The following STK32B variants were observed in gnomAD, a reference collection of about 807,000 sequenced individuals.
STK32B encodes serine/threonine-protein kinase 32B.
A neutral mutation model predicts 52.6 loss-of-function variants in STK32B; 43 were observed. That is an observed-to-expected ratio of 0.82 (90% confidence interval 0.64 to 1.05). The LOEUF is 1.05. Ranked by LOEUF, STK32B falls within the 50% of genes least tolerant of loss-of-function variation. STK32B has a pLI of 0.00. For missense variants in STK32B, 621 were observed against 534.6 expected (o/e 1.16, Z -1.59); for synonymous variants, 238 against 204.3 (o/e 1.17, Z -1.41).
chr4:5,455,209 C>T lies in STK32B; in HGVS notation c.667-1598C>T, dbSNP rs530478698. Among the ~76,000 whole-genome samples the T allele has an allele frequency of 5.1e-4, 78 of 152,324 alleles. 1 individual carries two copies. The highest frequency in any genetic ancestry group is 1.8e-3 in the African/African-American group (76 of 41,572). ...AGGGAACTGTAGCCCTACCAAGGAT[C>T]GGGACCCCTCGCCCCTTTGGGCGGG... On this transcript the variant is annotated intron_variant, in intron 7 of 11. Transcript: ENST00000282908.
At chr4:5,059,211 G>A (rs1294862653) in intron 1 of STK32B, among the ~76,000 whole-genome samples, 2 of 151,804 alleles carry the variant, frequency 1.3e-5, no homozygotes, top group Admixed American at 6.6e-5. Context: ...GCTGTCTTAA[G>A]CCACTGAGAT....
At chr4:5,219,094 G>A (rs550748109) in intron 3 of STK32B, among the ~76,000 whole-genome samples, 2 of 152,386 alleles carry the variant, frequency 1.3e-5, no homozygotes, top group South Asian at 4.1e-4. Flanking sequence ...TCTGTGCCTT[G>A]TGAATGCTGC....
chr4:5,459,294 C>G (rs911511450), intron 8 of STK32B, among the ~76,000 whole-genome samples: 1 of 128,838 alleles, frequency 7.8e-6, no homozygotes, highest in African/African-American at 2.8e-5. Flanking sequence ...CCCCCCCCCC[C>G]ACCTTTCTAA....
intron 6 of STK32B, among the ~76,000 whole-genome samples, chr4:5,417,436 A>G (rs1052021245): frequency 1.3e-5 from 2 of 152,098 alleles, no homozygotes; most frequent in African/African-American, 2.4e-5. Flanking sequence ...TTCTTTGCCA[A>G]TCTTCAGCAT....
At chr4:5,448,744 G>A (rs1715705856) in intron 7 of STK32B, among the ~76,000 whole-genome samples, 1 of 152,198 alleles carries the variant, frequency 6.6e-6, no homozygotes, top group Non-Finnish European at 1.5e-5. Context: ...TTGGCATGGA[G>A]ACAAAGTAAT....
Position 5,399,250 on chromosome 4 carries a change from C to T in STK32B, c.472+1006C>T, listed in dbSNP as rs1221824800. Among the ~76,000 whole-genome samples the T allele has an allele frequency of 6.6e-6, 1 of 151,422 alleles. No individual in the cohort carries two copies. The highest frequency in any genetic ancestry group is 1.5e-5 in the Non-Finnish European group (1 of 67,486). On this transcript the variant is annotated intron_variant, in intron 5 of 11. Coordinates refer to ENST00000282908, the MANE Select transcript of STK32B (RefSeq NM_018401.3). This position sits in a 1 kb window ranked among gnomAD's most constrained non-coding sequence, Gnocchi z 5.4. ...TCTTCTGAAGTAGGGATTCTCATCCCTGCTGAGGCCTTCAGGGATGAATGA... is the reference window on the plus strand; with the variant it reads ...TCTTCTGAAGTAGGGATTCTCATCCTTGCTGAGGCCTTCAGGGATGAATGA...
Position 5,120,211 on chromosome 4 carries a change from G to A in STK32B, c.53-19694G>A, listed in dbSNP as rs1714951514. Among the ~76,000 whole-genome samples the A allele has an allele frequency of 3.3e-5, 5 of 152,088 alleles. No homozygotes were observed. In the South Asian group the frequency reaches 1.0e-3, roughly 32 times the overall value. ...AATCTGCTCCTGACATCTGGCCATC[G>A]ACATCGTCATGGCTTGATGATCCAG... is the stretch of plus-strand genomic sequence containing the variant. On this transcript the variant is annotated intron_variant, in intron 1 of 11. Transcript: ENST00000282908.
chr4:5,153,978 T>C (rs563091802), intron 2 of STK32B, among the ~76,000 whole-genome samples: 4 of 152,326 alleles, frequency 2.6e-5, no homozygotes, highest in East Asian at 3.9e-4. Context: ...TTTATAGTTA[T>C]CTATACTAGA....
At chr4:5,066,660 G>T (rs967241586) in intron 1 of STK32B, among the ~76,000 whole-genome samples, 2 of 152,152 alleles carry the variant, frequency 1.3e-5, no homozygotes, top group Admixed American at 6.6e-5. Flanking sequence ...TCTGGCACAT[G>T]ACAACTGTCC....
intron 4 of STK32B, among the ~76,000 whole-genome samples, chr4:5,348,449 C>A (rs572176056): frequency 6.6e-6 from 1 of 152,198 alleles, no homozygotes; most frequent in African/African-American, 2.4e-5. Flanking sequence ...ACATTCCCCA[C>A]CCATAGCCGT....
intron 1 of STK32B, among the ~76,000 whole-genome samples, chr4:5,139,224 G>A (rs73091518): frequency 0.013 from 1,928 of 152,252 alleles, 48 homozygotes; most frequent in African/African-American, 0.043. Context: ...TGAGTCCCAG[G>A]TTTTGCACAT....
intron 3 of STK32B, among the ~76,000 whole-genome samples, chr4:5,230,963 A>G (rs1724221231): frequency 6.6e-6 from 1 of 152,204 alleles, no homozygotes; most frequent in Non-Finnish European, 1.5e-5. Context: ...GAGTCTATGG[A>G]AAAGGATACG....
At chr4:5,466,657 G>C in intron 9 of STK32B, 46 bp from the exon 10 acceptor site, 6 of 1,560,674 alleles carry the variant, frequency 3.8e-6, no homozygotes, top group Non-Finnish European at 5.2e-6. Flanking sequence ...ATTCAGTGAT[G>C]GGTGGAACGC....
chr4:5,425,904 T>C (rs1378366027), intron 6 of STK32B, among the ~76,000 whole-genome samples: 1 of 152,234 alleles, frequency 6.6e-6, no homozygotes, highest in East Asian at 1.9e-4. Context: ...ATGTGGCTTT[T>C]TCACTTAGAA....
intron 4 of STK32B, among the ~76,000 whole-genome samples, chr4:5,384,730 C>T (rs1736139204): frequency 6.6e-6 from 1 of 152,048 alleles, no homozygotes; most frequent in Non-Finnish European, 1.5e-5. Flanking sequence ...GGTGATGACC[C>T]TGATGGATAG....
Position 5,331,353 on chromosome 4 carries a change from C to G in STK32B, c.394C>G (p.Leu132Val). The change falls in exon 4 of 12, where the codon CTG becomes GTG. Residue 132 changes from leucine (L) to valine (V), a missense_variant. Leu to Val is a conservative substitution (Grantham distance 32, BLOSUM62 1). Transcript: ENST00000282908. Reference protein sequence around the residue: ...TVKLYICELALALEYLQRYHI... With the variant: ...TVKLYICELAVALEYLQRYHI... ...GAAACTCTACATCTGTGAGCTGGCA[C>G]TGGCCCTGGAGTATCTTCAGAGGTA... 1 of 1,613,740 alleles carries G rather than the reference C, an allele frequency of 6.2e-7. No individual in the cohort carries two copies. The highest frequency in any genetic ancestry group is 8.5e-7 in the Non-Finnish European group (1 of 1,179,826).
At chr4:5,036,986 C>T in the STK32B span, among the ~76,000 whole-genome samples, 1 of 152,098 alleles carries the variant, frequency 6.6e-6, no homozygotes, top group African/African-American at 2.4e-5. Context: ...TTTAAAATTG[C>T]ACACAACAGC....
At chr4:5,212,107 T>C (rs1253076412) in intron 3 of STK32B, among the ~76,000 whole-genome samples, 1 of 152,228 alleles carries the variant, frequency 6.6e-6, no homozygotes, top group East Asian at 1.9e-4. Flanking sequence ...TAATGGTCTT[T>C]TTACTTACTA....
chr4:5,169,417 G>T (rs1179689122), intron 3 of STK32B, among the ~76,000 whole-genome samples: 1 of 152,170 alleles, frequency 6.6e-6, no homozygotes, highest in Non-Finnish European at 1.5e-5. Context: ...GACCTTAAGA[G>T]TTGGGATGGC....
Sources: allele counts gnomAD v4.1 joint callset (sites outside exome capture counted in the v4.1 genomes callset), GRCh38; gene constraint gnomAD v4.1.1; non-coding constraint Gnocchi (gnomAD v3.1); transcripts MANE v1.5; gene names NCBI Gene and HGNC (gene_info 2026-07-23, HGNC 2026-07-21).